The following CDH6 variants were observed in gnomAD, a reference collection of about 807,000 sequenced individuals.
The protein encoded by CDH6 is cadherin-6.
Under a neutral mutation model 78.0 loss-of-function variants are expected in CDH6, and 31 were observed. The ratio of observed to expected loss-of-function variants is 0.40; its 90% CI spans 0.30 to 0.54. CDH6 has a LOEUF of 0.54. CDH6 is among the 20% of genes least tolerant of loss of function. CDH6 has a pLI of 0.56. For synonymous variants in CDH6, 376 were observed against 368.8 expected (o/e 1.02, Z -0.23); for missense variants, 724 against 975.9 (o/e 0.74, Z 3.44).
intron 7 of CDH6, among the ~76,000 whole-genome samples, chr5:31,311,327 C>T (rs948607802): frequency 6.6e-6 from 1 of 152,200 alleles, no homozygotes; most frequent in Non-Finnish European, 1.5e-5. Flanking sequence ...CAATAAGTTC[C>T]TCATGTCCCT....
intron 1 of CDH6, among the ~76,000 whole-genome samples, chr5:31,257,706 C>G (rs1230662697): frequency 6.6e-6 from 1 of 152,100 alleles, no homozygotes; most frequent in African/African-American, 2.4e-5. Context: ...GCTACTCTGT[C>G]TGTGCCTTTC....
intron 4 of CDH6, 25 bp from the exon 5 acceptor site, chr5:31,299,439 G>C: frequency 1.9e-6 from 3 of 1,590,608 alleles, no homozygotes; most frequent in Non-Finnish European, 2.6e-6. Flanking sequence ...GCATCCCTTT[G>C]CACTCTTAAA....
chr5:31,305,087 G>C, intron 6 of CDH6, 87 bp from the exon 7 acceptor site: 1 of 1,362,138 alleles, frequency 7.3e-7, no homozygotes, highest in Non-Finnish European at 1.0e-6. Flanking sequence ...TTTATCAGTG[G>C]TTTACACCAA....
chr5:31,257,416 G>C (rs1238738427), intron 1 of CDH6, among the ~76,000 whole-genome samples: 1 of 152,216 alleles, frequency 6.6e-6, no homozygotes, highest in Non-Finnish European at 1.5e-5. Context: ...ACCCGTCTCA[G>C]CCTCCCAAAG....
intron 1 of CDH6, chr5:31,251,529 T>G (rs1013740985): frequency 8.5e-5 from 13 of 152,202 alleles, no homozygotes; most frequent in Non-Finnish European, 1.6e-4. Context: ...TGCTGTATTT[T>G]CTTGTTCTGT....
chr5:31,292,656 C>T (rs957302794), intron 2 of CDH6, among the ~76,000 whole-genome samples: 3 of 151,840 alleles, frequency 2.0e-5, no homozygotes, highest in Non-Finnish European at 2.9e-5. Flanking sequence ...ATGCTTAAAA[C>T]TCTGGGGGTT....
chr5:31,236,663 C>T (rs1158840101), intron 1 of CDH6, among the ~76,000 whole-genome samples: 1 of 152,148 alleles, frequency 6.6e-6, no homozygotes, highest in Admixed American at 6.6e-5. Flanking sequence ...GAGGGCTCTG[C>T]TTGGGAGGGA....
Position 31,323,151 on chromosome 5 carries a change from C to T in CDH6, c.2216C>T (p.Ala739Val), listed in dbSNP as rs1438205456. Residue 739 changes from alanine (A) to valine (V), a missense_variant, in exon 12 of 12, where the codon GCC becomes GTC. Coordinates refer to ENST00000265071, the MANE Select transcript of CDH6 (RefSeq NM_004932.4). ...APPYDSLATYAYEGTGSVADS... is the reference protein window; with the variant it reads ...APPYDSLATYVYEGTGSVADS... ...CCATACGACTCCTTGGCCACTTACG[C>T]CTATGAAGGCACTGGCTCCGTGGCG... 2.5e-6 allele frequency: 4 copies of T among 1,614,054 alleles called. No homozygotes were observed. The highest frequency in any genetic ancestry group is 2.7e-5 in the African/African-American group (2 of 74,922).
intron 1 of CDH6, among the ~76,000 whole-genome samples, chr5:31,226,390 G>A (rs1351460737): frequency 1.3e-5 from 2 of 152,126 alleles, no homozygotes; most frequent in African/African-American, 4.8e-5. Flanking sequence ...GGCCAGGGTG[G>A]TCTCAAACTC....
Position 31,267,555 on chromosome 5 carries a change from A to C in CDH6, c.82A>C (p.Thr28Pro). ...PTLSTPLSKR[T>P]SGFPAKKRAL... ...TCTCTCAACTCCACTATCAAAGAGGACTAGTGGTTTCCCAGCAAAGAAAAG... is the reference window on the plus strand; with the variant it reads ...TCTCTCAACTCCACTATCAAAGAGGCCTAGTGGTTTCCCAGCAAAGAAAAG... Residue 28 changes from threonine to proline, a missense_variant, in exon 2 of 12, where the codon ACT (threonine) becomes CCT (proline). Around this residue, in one of 3 missense-constraint regions of CDH6, gnomAD observed 58 missense variants for 50.8 expected, o/e 1.14. Transcript: ENST00000265071. 1 of 1,614,012 alleles carries C rather than the reference A, an allele frequency of 6.2e-7. No homozygotes were observed. Among genetic ancestry groups the C allele is most frequent in the Non-Finnish European group, 8.5e-7 (1 of 1,179,970 alleles).
chr5:31,253,183 T>C (rs2149925796), intron 1 of CDH6, among the ~76,000 whole-genome samples: 1 of 152,288 alleles, frequency 6.6e-6, no homozygotes, highest in East Asian at 1.9e-4. Context: ...TGGTTCTGTG[T>C]CCCCACCCAA....
At chr5:31,293,843 AC>A in intron 2 of CDH6, 118 bp from the exon 3 acceptor site, 1 of 577,874 alleles carries the variant, frequency 1.7e-6, no homozygotes, top group South Asian at 3.4e-5. Flanking sequence ...AAAAAAAAAA[AC>A]TTGTATTCCT....
At chr5:31,296,503 A>G (rs751991600) in intron 3 of CDH6, among the ~76,000 whole-genome samples, 37 of 152,154 alleles carry the variant, frequency 2.4e-4, no homozygotes, top group Non-Finnish European at 8.8e-5. Flanking sequence ...TTGGAATTGC[A>G]GATTCCAGAT....
At chr5:31,288,003 C>T (rs991053572) in intron 2 of CDH6, among the ~76,000 whole-genome samples, 1 of 152,242 alleles carries the variant, frequency 6.6e-6, no homozygotes, top group South Asian at 2.1e-4. Flanking sequence ...GTTCCTTCCA[C>T]TTTGTGGCTT....
chr5:31,209,097 C>T (rs1740619971), intron 1 of CDH6, among the ~76,000 whole-genome samples: 1 of 152,126 alleles, frequency 6.6e-6, no homozygotes, highest in South Asian at 2.1e-4. Flanking sequence ...ATTCTGAAGC[C>T]AAAGGTATAT....
At chr5:31,230,330 G>T (rs1741281194) in intron 1 of CDH6, among the ~76,000 whole-genome samples, 1 of 152,114 alleles carries the variant, frequency 6.6e-6, no homozygotes. Context: ...TCATACACAG[G>T]TTTGTCTGTA....
rs1738622972 is a variant in CDH6, at chr5:31,326,257, CTGATGA to C, written c.*2951_*2956del. ...TTGTTTCAAGGACATTGAGAGCTTT[CTGATGA>C]TATGTTTTTGCCCTCTATTCAAAAG... On this transcript the variant is annotated 3_prime_UTR_variant, in exon 12 of 12. Transcript: ENST00000265071. 1 of 220,912 alleles carries C rather than the reference CTGATGA, an allele frequency of 4.5e-6. No individual in the cohort carries two copies. The highest frequency in any genetic ancestry group is 2.2e-5 in the African/African-American group (1 of 44,690). The allele number at this position is 220,912 out of a possible 1,614,324, so 13.7% of individuals were successfully genotyped here. A position where few individuals can be genotyped will look rare whatever the true frequency, so the allele number is the denominator to read the frequency against.
chr5:31,263,624 A>G (rs1742271052), intron 1 of CDH6, among the ~76,000 whole-genome samples: 1 of 151,760 alleles, frequency 6.6e-6, no homozygotes, highest in Non-Finnish European at 1.5e-5. Context: ...CACTCTCATG[A>G]TAACCCATTA....
At position 31,325,641 on chromosome 5, in the gene CDH6, G is replaced by T. The variant is rs776063391; in HGVS notation, c.*2333G>T. 15 of 230,954 alleles carry T rather than the reference G, an allele frequency of 6.5e-5. No individual in the cohort carries two copies. The highest frequency in any genetic ancestry group is 1.3e-4 in the Non-Finnish European group (15 of 116,774). 14.3% of individuals were successfully genotyped at this position (230,954 alleles called of 1,614,324 possible). ...TTTCCAATGTTTAAAGGTAAGATCT[G>T]AGTTCTCCTAATAAGTAAAAGTAAG... On this transcript the variant is annotated 3_prime_UTR_variant, in exon 12 of 12. Transcript: ENST00000265071.
Sources: gnomAD v4.1 joint callset for allele counts (sites outside exome capture counted in the v4.1 genomes callset) on GRCh38, gnomAD v4.1.1 for gene constraint, gnomAD v4.1.1 regional missense constraint, MANE v1.5 for transcripts, NCBI Gene and HGNC (gene_info 2026-07-23, HGNC 2026-07-21) for gene names.